SCARB2: variants seen among roughly 807,000 people sequenced by gnomAD.
SCARB2 encodes the protein scavenger receptor class B member 2.
In SCARB2, 29 loss-of-function variants were observed where a neutral mutation model predicts 58.6. The observed-to-expected ratio is 0.49, with a 90% CI of 0.37 to 0.67. The LOEUF is 0.67. Among genes scored for constraint, SCARB2 ranks in the 30% least tolerant of loss-of-function variants. The probability of loss-of-function intolerance (pLI) is 0.00; values close to 1 mark genes in which losing one functional copy is unlikely to be tolerated. For synonymous variants in SCARB2, 195 were observed against 210.1 expected (o/e 0.93, Z 0.62); for missense variants, 488 against 578.5 (o/e 0.84, Z 1.60).
chr4:76,217,200 A>G (rs12498835), upstream of SCARB2, among the ~76,000 whole-genome samples: 578 of 152,304 alleles, frequency 3.8e-3, 12 homozygotes, highest in Admixed American at 0.02. Context: ...CTTGCCAGCC[A>G]CTAATAACCC....
At position 76,163,245 on chromosome 4, in the gene SCARB2, C is replaced by A. The variant is rs1329451230; in HGVS notation, c.1378G>T (p.Gly460Ter). The A allele has an allele frequency of 5.0e-6, 8 of 1,614,054 alleles. No individual in the cohort carries two copies. The change falls in exon 11 of 12, where the codon GGA (glycine) becomes TGA (stop). Residue 460 changes from glycine to a stop codon, truncating the protein, a stop_gained. Transcript: ENST00000264896. LOFTEE classifies it high-confidence loss of function. ...CTCACCTCATCCATGGATCCCTGTC[C>A]TTTGCATGCAAGCCAGGTAAAAACC... ...GLVFTWLACK[G>*]QGSMDEGTAD...
At position 76,169,977 on chromosome 4, in the gene SCARB2, T is replaced by TG. The variant is rs780638384; in HGVS notation, c.1002dup (p.Ile335HisfsTer13). On this transcript the variant is annotated frameshift_variant, in exon 8 of 12. Coordinates refer to ENST00000264896, the MANE Select transcript of SCARB2 (RefSeq NM_005506.4). LOFTEE classifies it high-confidence loss of function. ...TAAAAGTGTGGGAAAGACATAATGA[T>TG]GGGTGCACCTGCATTTGAAGGAAAA... The TG allele has an allele frequency of 3.4e-5, 55 of 1,611,782 alleles. No individual in the cohort carries two copies. The highest frequency in any genetic ancestry group is 4.4e-5 in the Non-Finnish European group (52 of 1,178,058).
intron 7 of SCARB2, chr4:76,173,135 G>A (rs1235560147): frequency 6.6e-6 from 1 of 152,164 alleles, no homozygotes; most frequent in East Asian, 1.9e-4. Flanking sequence ...TCTTCAAGAT[G>A]AAGAAAATAG....
rs1165564439 is a variant in SCARB2, at chr4:76,213,592, A to C, written c.-49T>G. 3 of 1,504,042 alleles carry C rather than the reference A, an allele frequency of 2.0e-6. No individual in the cohort carries two copies. The highest frequency in any genetic ancestry group is 2.3e-5 in the South Asian group (2 of 87,606). 93.2% of individuals were successfully genotyped at this position (1,504,042 alleles called of 1,614,324 possible). The stretch of plus-strand genomic sequence containing the variant: ...GCCGGGCCGCACCCGCCAGGGATCC[A>C]ACTGCAAGGAGGGAGGAGCCGCCGC... On this transcript the variant is annotated 5_prime_UTR_variant, in exon 1 of 12. Coordinates refer to ENST00000264896, the MANE Select transcript of SCARB2 (RefSeq NM_005506.4).
chr4:76,210,301 A>C (rs1318081059), intron 1 of SCARB2, among the ~76,000 whole-genome samples: 4 of 152,244 alleles, frequency 2.6e-5, no homozygotes, highest in African/African-American at 9.6e-5. Context: ...GCTTAGTCCA[A>C]GAAATCCTTA....
intron 2 of SCARB2, among the ~76,000 whole-genome samples, chr4:76,188,500 CCA>C (rs1421575935): frequency 6.6e-6 from 1 of 151,914 alleles, no homozygotes; most frequent in African/African-American, 2.4e-5. Flanking sequence ...GTTAGGCCCT[CCA>C]CAGTCTTGCT....
chr4:76,175,177 C>T (rs188924138), intron 6 of SCARB2: 1 of 153,192 alleles, frequency 6.5e-6, no homozygotes, highest in East Asian at 1.9e-4. Context: ...CTAACAAATA[C>T]CTTTGTATCT....
In SCARB2 at chr4:76,163,318, G is replaced by A; in HGVS notation, c.1305C>T (p.Ile435=). ...LKSMINTTLI[I]TNIPYIIMAL... is the part of the protein sequence containing the mutation. Reference sequence around the variant, plus strand: ...CCATGATGATGTAGGGTATGTTGGTGATGATCAAAGTAGTGTTAATCATAG... The same window carrying A: ...CCATGATGATGTAGGGTATGTTGGTAATGATCAAAGTAGTGTTAATCATAG... Residue 435 remains isoleucine, a synonymous_variant, in exon 11 of 12, where the codon ATC becomes ATT. Coordinates refer to ENST00000264896, the MANE Select transcript of SCARB2 (RefSeq NM_005506.4). 6.2e-7 allele frequency: 1 copy of A among 1,614,198 alleles called. No individual in the cohort carries two copies. Among genetic ancestry groups the A allele is most frequent in the Non-Finnish European group, 8.5e-7 (1 of 1,180,026 alleles).
In SCARB2 at chr4:76,174,179, C is replaced by T; in HGVS notation, c.959G>A (p.Gly320Asp). The T allele has an allele frequency of 1.2e-6, 2 of 1,614,106 alleles. No individual in the cohort carries two copies. Among genetic ancestry groups the T allele is most frequent in the Non-Finnish European group, 1.7e-6 (2 of 1,180,036 alleles). ...GFCIPEGNCL[G>D]SGVLNVSICK... is the part of the protein sequence containing the mutation. Reference sequence around the variant, plus strand: ...GATGCTGACATTCAGAACTCCTGAGCCCAGGCAGTTTCCCTCAGGTATACA... The same window carrying T: ...GATGCTGACATTCAGAACTCCTGAGTCCAGGCAGTTTCCCTCAGGTATACA... Residue 320 changes from glycine (G) to aspartate (D), a missense_variant, in exon 7 of 12, where the codon GGC becomes GAC. Transcript: ENST00000264896.
intron 1 of SCARB2, among the ~76,000 whole-genome samples, chr4:76,198,873 T>TGTGC (rs1012623931): frequency 4.7e-5 from 7 of 150,282 alleles, no homozygotes; most frequent in East Asian, 2.0e-4. Flanking sequence ...TGTGTGTGTG[T>TGTGC]GCTCATGCGA....
upstream of SCARB2, chr4:76,213,832 G>C: frequency 7.5e-6 from 2 of 267,270 alleles, no homozygotes; most frequent in Non-Finnish European, 1.4e-5. Context: ...AGTGCAGGGA[G>C]CGCGCAGGGA....
chr4:76,183,731 G>C lies in SCARB2; in HGVS notation c.276-2630C>G, dbSNP rs188562948. Among the ~76,000 whole-genome samples, 33 of 152,286 alleles carry C rather than the reference G, an allele frequency of 2.2e-4. No individual in the cohort carries two copies. The East Asian group carries it at 5.0e-3, about 23-fold the overall frequency. On this transcript the variant is annotated intron_variant, in intron 2 of 11. Coordinates refer to ENST00000264896, the MANE Select transcript of SCARB2 (RefSeq NM_005506.4). ...GCCCCTCTCCCCTCCTGGGAGGTTG[G>C]GGGGTGGGGCTGAAAGTCCCAACCC...
chr4:76,234,397 T>A (rs1733547378), exon 1 of SCARB2: 1 of 152,302 alleles, frequency 6.6e-6, no homozygotes, highest in South Asian at 2.1e-4. Context: ...GCCACAAAAA[T>A]TCAGGCTTGC....
chr4:76,176,604 G>T, intron 4 of SCARB2, 76 bp from the exon 5 acceptor site: 2 of 1,026,222 alleles, frequency 1.9e-6, no homozygotes, highest in Non-Finnish European at 3.0e-6. Context: ...ATGGTGCCCA[G>T]TTGTTTGGTC....
intron 1 of SCARB2, among the ~76,000 whole-genome samples, chr4:76,209,734 C>A (rs1018789793): frequency 6.6e-6 from 1 of 152,202 alleles, no homozygotes; most frequent in Non-Finnish European, 1.5e-5. Context: ...AAGAAACCAG[C>A]TGGTACTGAC....
chr4:76,186,441 C>T (rs1231010123), intron 2 of SCARB2, among the ~76,000 whole-genome samples: 1 of 151,964 alleles, frequency 6.6e-6, no homozygotes, highest in African/African-American at 2.4e-5. Context: ...AGGGTGACCA[C>T]AGAGAAGAGG....
chr4:76,233,738 G>A (rs935006823), intron 1 of SCARB2, among the ~76,000 whole-genome samples: 1 of 152,102 alleles, frequency 6.6e-6, no homozygotes, highest in Non-Finnish European at 1.5e-5. Flanking sequence ...CATCCCCTAA[G>A]GCAGGATTGC....
intron 2 of SCARB2, among the ~76,000 whole-genome samples, chr4:76,187,562 T>C (rs1398304003): frequency 6.6e-6 from 1 of 152,310 alleles, no homozygotes; most frequent in East Asian, 1.9e-4. Context: ...GACCAAAATA[T>C]AACATTGAAA....
At chr4:76,228,821 T>C (rs180694317) in intron 1 of SCARB2, among the ~76,000 whole-genome samples, 29 of 152,332 alleles carry the variant, frequency 1.9e-4, no homozygotes, top group African/African-American at 6.0e-4. Flanking sequence ...TTGATGACTA[T>C]GTGCCCAGGT....
Sources: allele counts gnomAD v4.1 joint callset (sites outside exome capture counted in the v4.1 genomes callset), GRCh38; gene constraint gnomAD v4.1.1; transcripts MANE v1.5; gene names NCBI Gene and HGNC (gene_info 2026-07-23, HGNC 2026-07-21).